ADGRL2: variants seen among roughly 807,000 people sequenced by gnomAD.
ADGRL2 encodes the protein calcium-independent alpha-latrotoxin receptor 2.
In ADGRL2, 44 loss-of-function variants were observed where a neutral mutation model predicts 157.4. The observed-to-expected ratio is 0.28, with a 90% CI of 0.22 to 0.36. The LOEUF is 0.36. Among genes scored for constraint, ADGRL2 ranks in the 10% least tolerant of loss-of-function variants. The pLI is 1.00. For missense variants in ADGRL2, 1,510 were observed against 1,768.9 expected, an observed-to-expected ratio of 0.85 and a Z score of 2.63; for synonymous variants, 585 against 624.7, an observed-to-expected ratio of 0.94 and a Z score of 0.95.
intron 1 of ADGRL2, among the ~76,000 whole-genome samples, chr1:81,402,739 A>T (rs1054646277): frequency 6.6e-6 from 1 of 152,156 alleles, no homozygotes; most frequent in Non-Finnish European, 1.5e-5. Context: ...AGACCTTGAA[A>T]CTGCACTGTC....
chr1:81,397,997 C>A (rs1483639303), intron 1 of ADGRL2, among the ~76,000 whole-genome samples: 1 of 152,138 alleles, frequency 6.6e-6, no homozygotes, highest in Non-Finnish European at 1.5e-5. Flanking sequence ...TGGTGCTTGG[C>A]TTCGGGGTGC....
chr1:81,470,568 A>C (rs748243534), intron 2 of ADGRL2, among the ~76,000 whole-genome samples: 14 of 152,188 alleles, frequency 9.2e-5, no homozygotes, highest in Non-Finnish European at 1.3e-4. Flanking sequence ...ACAGCTTTTC[A>C]AATAAATCTT....
At chr1:81,834,095 G>T (rs778113795) in intron 1 of ADGRL2, among the ~76,000 whole-genome samples, 4 of 152,078 alleles carry the variant, frequency 2.6e-5, no homozygotes, top group Admixed American at 6.6e-5. Context: ...GAAATCTGTT[G>T]TATCTTGTTT....
chr1:81,667,907 T>G (rs1423811984), intron 3 of ADGRL2, among the ~76,000 whole-genome samples: 1 of 152,212 alleles, frequency 6.6e-6, no homozygotes, highest in Admixed American at 6.5e-5. Flanking sequence ...GCACCTCTGT[T>G]GTAAGATTTA....
intron 1 of ADGRL2, among the ~76,000 whole-genome samples, chr1:81,415,396 T>C (rs1453212829): frequency 1.3e-5 from 2 of 152,154 alleles, no homozygotes; most frequent in East Asian, 3.9e-4. Flanking sequence ...AGTTACAGAC[T>C]AGTCCATTAA....
In ADGRL2 at chr1:81,951,102, T is replaced by G; in HGVS notation, c.1589T>G (p.Val530Gly). The G allele has an allele frequency of 1.2e-6, 2 of 1,612,796 alleles. No homozygotes were observed. The highest frequency in any genetic ancestry group is 1.7e-6 in the Non-Finnish European group (2 of 1,178,928). Reference protein sequence around the residue: ...PDLSNCTSHWVNQLAQKIRSG... With the variant: ...PDLSNCTSHWGNQLAQKIRSG... ...CTTAGCAACTGTACCTCACACTGGG[T>G]GAATCAGCTGGCTCAGAAGGTTGGT... The change falls in exon 8 of 24, where the codon GTG becomes GGG. Residue 530 changes from valine (V) to glycine (G), a missense_variant. Val to Gly is a moderately radical substitution (Grantham distance 109, BLOSUM62 -3). Coordinates refer to ENST00000686636, the MANE Select transcript of ADGRL2 (RefSeq NM_001366006.2).
At chr1:81,756,989 A>C (rs56007864) in intron 1 of ADGRL2, among the ~76,000 whole-genome samples, 5,260 of 152,218 alleles carry the variant, frequency 0.035, 263 homozygotes, top group African/African-American at 0.11. Flanking sequence ...ACTTTGGTTT[A>C]CTAGGAGTGT....
At chr1:81,328,089 C>T (rs542846187) in intron 1 of ADGRL2, among the ~76,000 whole-genome samples, 2 of 152,146 alleles carry the variant, frequency 1.3e-5, no homozygotes, top group Non-Finnish European at 2.9e-5. Context: ...CACGACTACA[C>T]TGCCTTTCAT....
intron 2 of ADGRL2, among the ~76,000 whole-genome samples, chr1:81,853,861 T>A (rs2093107411): frequency 6.6e-6 from 1 of 152,146 alleles, no homozygotes. Context: ...TCACAAGATG[T>A]TACTAAATAC....
chr1:81,314,109 AC>A (rs1200736911), intron 1 of ADGRL2, among the ~76,000 whole-genome samples: 1 of 152,062 alleles, frequency 6.6e-6, no homozygotes, highest in Non-Finnish European at 1.5e-5. Flanking sequence ...CAATCTGACA[AC>A]CCCCTGGTGT....
intron 2 of ADGRL2, among the ~76,000 whole-genome samples, chr1:81,785,590 T>C (rs1158457348): frequency 1.3e-5 from 2 of 151,830 alleles, no homozygotes; most frequent in Non-Finnish European, 2.9e-5. Flanking sequence ...CAGCTGGGCA[T>C]GATGGTGCGC....
At chr1:81,987,663 T>C (rs1030132599) in intron 22 of ADGRL2, among the ~76,000 whole-genome samples, 13 of 151,660 alleles carry the variant, frequency 8.6e-5, no homozygotes, top group African/African-American at 3.1e-4. Flanking sequence ...TATATATATA[T>C]TTAATATTAA....
At chr1:81,313,506 A>G (rs1459506336) in intron 1 of ADGRL2, among the ~76,000 whole-genome samples, 2 of 152,118 alleles carry the variant, frequency 1.3e-5, no homozygotes, top group Admixed American at 1.3e-4. Context: ...GCTCTTAGCC[A>G]CTCGGGTGAT....
chr1:81,704,673 A>C (rs2083677077), intron 1 of ADGRL2, among the ~76,000 whole-genome samples: 1 of 152,148 alleles, frequency 6.6e-6, no homozygotes, highest in Admixed American at 6.5e-5. Flanking sequence ...GACCAGGTAA[A>C]ACAGTTTGTA....
chr1:81,528,513 G>A (rs145485724), intron 2 of ADGRL2, among the ~76,000 whole-genome samples: 2,912 of 151,930 alleles, frequency 0.019, 90 homozygotes, highest in African/African-American at 0.066. Flanking sequence ...CGGGCGCTGT[G>A]GCAGGCGCCT....
intron 3 of ADGRL2, among the ~76,000 whole-genome samples, chr1:81,677,277 AC>A (rs1557558278): frequency 1.3e-5 from 2 of 152,058 alleles, no homozygotes; most frequent in Non-Finnish European, 2.9e-5. Context: ...GAGCCACCAC[AC>A]CTGGCCCAAC....
Position 81,993,228 on chromosome 1 carries a change from A to T in ADGRL2, c.*2083A>T, listed in dbSNP as rs538933595. Among the ~76,000 whole-genome samples, 14 of 148,608 alleles carry T rather than the reference A, an allele frequency of 9.4e-5. No homozygotes were observed. Among genetic ancestry groups the T allele is most frequent in the African/African-American group, 3.5e-4 (14 of 40,206 alleles). On this transcript the variant is annotated 3_prime_UTR_variant, in exon 24 of 24. Transcript: ENST00000686636. ...AAACAGATTTAACAATCCTCTGAGA[A>T]TGGTACTCATTTATTTGGCTAAAAT...
chr1:81,733,315 T>C (rs559412475), intron 1 of ADGRL2, among the ~76,000 whole-genome samples: 2 of 152,332 alleles, frequency 1.3e-5, no homozygotes, highest in African/African-American at 4.8e-5. Context: ...CAAAATACTA[T>C]AGACTGGGTG....
chr1:81,646,813 C>A (rs574305732), intron 3 of ADGRL2, among the ~76,000 whole-genome samples: 1 of 152,102 alleles, frequency 6.6e-6, no homozygotes, highest in Non-Finnish European at 1.5e-5. Context: ...CCCTGCCATG[C>A]CAGCCTCTCT....
Sources: allele counts gnomAD v4.1 joint callset (sites outside exome capture counted in the v4.1 genomes callset), GRCh38; gene constraint gnomAD v4.1.1; transcripts MANE v1.5; gene names NCBI Gene and HGNC (gene_info 2026-07-23, HGNC 2026-07-21).